STAC: variants seen among roughly 807,000 people sequenced by gnomAD.
The protein encoded by STAC is SH3 and cysteine-rich domain-containing protein.
STAC carries 43 observed loss-of-function variants against 48.8 expected under a neutral mutation model. The observed-to-expected ratio is 0.88, with a 90% CI of 0.69 to 1.14. STAC has a LOEUF of 1.14. STAC is among the 50% of genes most tolerant of loss of function. STAC has a pLI of 0.00. For missense variants in STAC, 497 were observed against 504.0 expected (o/e 0.99, Z 0.13); for synonymous variants, 193 against 179.5 (o/e 1.07, Z -0.60).
At chr3:36,530,580 C>CTTTTTT (rs775751742) in intron 10 of STAC, among the ~76,000 whole-genome samples, 58 of 102,688 alleles carry the variant, frequency 5.6e-4, no homozygotes, top group Middle Eastern at 6.7e-3. Flanking sequence ...TTCACCTTTT[C>CTTTTTT]TTTTTTTTTT....
intron 10 of STAC, among the ~76,000 whole-genome samples, chr3:36,545,650 A>G (rs1159105851): frequency 6.6e-6 from 1 of 152,180 alleles, no homozygotes; most frequent in East Asian, 1.9e-4. Context: ...ACCCCTTTTT[A>G]AAGTCTAGCA....
chr3:36,529,544 A>C (rs575714539), intron 10 of STAC, among the ~76,000 whole-genome samples: 1 of 152,312 alleles, frequency 6.6e-6, no homozygotes, highest in Non-Finnish European at 1.5e-5. Context: ...GCCTGTCACC[A>C]TCTTGCTCCA....
chr3:36,506,793 G>T (rs554181526), intron 8 of STAC, among the ~76,000 whole-genome samples: 171 of 152,306 alleles, frequency 1.1e-3, no homozygotes, highest in African/African-American at 4.0e-3. Context: ...AGACTTTGCT[G>T]AAGTTGCCTA....
At chr3:36,519,391 C>T (rs1698748223) in intron 8 of STAC, among the ~76,000 whole-genome samples, 1 of 152,020 alleles carries the variant, frequency 6.6e-6, no homozygotes, top group Non-Finnish European at 1.5e-5. Flanking sequence ...GAACCAAGCC[C>T]AATAATTTAC....
chr3:36,474,390 C>T (rs1575224768), intron 2 of STAC, among the ~76,000 whole-genome samples: 3 of 152,204 alleles, frequency 2.0e-5, no homozygotes, highest in Admixed American at 1.3e-4. Context: ...GTTACATATA[C>T]ATATTTTAAT....
chr3:36,406,374 T>C (rs1700088706), intron 1 of STAC, among the ~76,000 whole-genome samples: 1 of 152,098 alleles, frequency 6.6e-6, no homozygotes, highest in African/African-American at 2.4e-5. Flanking sequence ...GAAGCTGGAG[T>C]GGTCCATCAG....
At chr3:36,433,433 G>C (rs1700753869) in intron 1 of STAC, among the ~76,000 whole-genome samples, 1 of 152,158 alleles carries the variant, frequency 6.6e-6, no homozygotes, top group Admixed American at 6.5e-5. Context: ...TTAAACAGTT[G>C]AATTATATGT....
intron 5 of STAC, among the ~76,000 whole-genome samples, chr3:36,491,081 CATTG>C (rs1697954806): frequency 6.6e-6 from 1 of 152,196 alleles, no homozygotes; most frequent in Non-Finnish European, 1.5e-5. Flanking sequence ...AAAATAGAAA[CATTG>C]ATTGGTATTT....
chr3:36,453,947 G>A (rs992394992), intron 2 of STAC, among the ~76,000 whole-genome samples: 2 of 152,100 alleles, frequency 1.3e-5, no homozygotes, highest in Admixed American at 6.5e-5. Context: ...GGGACTTGGA[G>A]AACCTTTGTG....
chr3:36,429,142 G>A (rs6774073), intron 1 of STAC, among the ~76,000 whole-genome samples: 3,534 of 152,176 alleles, frequency 0.023, 60 homozygotes, highest in Non-Finnish European at 0.026. Context: ...TGGAGTCAAG[G>A]ATGATTCCAA....
At chr3:36,503,586 A>C (rs1331635767) in intron 6 of STAC, among the ~76,000 whole-genome samples, 1 of 152,116 alleles carries the variant, frequency 6.6e-6, no homozygotes, top group Non-Finnish European at 1.5e-5. Context: ...GGCACATGCC[A>C]CCATGCTCAG....
intron 2 of STAC, among the ~76,000 whole-genome samples, chr3:36,455,735 T>C (rs748099340): frequency 3.3e-5 from 5 of 151,242 alleles, no homozygotes; most frequent in Admixed American, 6.6e-5. Flanking sequence ...CCTTTGTAAA[T>C]GTCTGGGACT....
intron 2 of STAC, among the ~76,000 whole-genome samples, chr3:36,452,033 C>A (rs1233502871): frequency 6.6e-6 from 1 of 152,148 alleles, no homozygotes; most frequent in Admixed American, 6.5e-5. Flanking sequence ...GTCTGCTTTG[C>A]TCTCACTGAA....
chr3:36,389,059 G>A (rs1225161314), intron 1 of STAC, among the ~76,000 whole-genome samples: 1 of 152,150 alleles, frequency 6.6e-6, no homozygotes, highest in Admixed American at 6.5e-5. Flanking sequence ...ACAATTATGA[G>A]ATTTCTTATC....
intron 10 of STAC, among the ~76,000 whole-genome samples, chr3:36,543,450 T>C (rs764137676): frequency 2.6e-5 from 4 of 152,182 alleles, no homozygotes; most frequent in Non-Finnish European, 5.9e-5. Context: ...ACTTTAGAGA[T>C]GCCAAACAGG....
chr3:36,406,842 C>G (rs990206143), intron 1 of STAC, among the ~76,000 whole-genome samples: 1 of 152,192 alleles, frequency 6.6e-6, no homozygotes, highest in African/African-American at 2.4e-5. Flanking sequence ...TTTACCAACT[C>G]CTGCTCTATT....
At chr3:36,441,069 A>G (rs555626052) in intron 1 of STAC, among the ~76,000 whole-genome samples, 86 of 152,324 alleles carry the variant, frequency 5.6e-4, no homozygotes, top group African/African-American at 2.0e-3. Flanking sequence ...CATAACATCA[A>G]ACATTTATCA....
intron 10 of STAC, among the ~76,000 whole-genome samples, chr3:36,530,599 T>C (rs1476764949): frequency 2.7e-4 from 38 of 142,292 alleles, no homozygotes; most frequent in African/African-American, 5.4e-4. Context: ...TTTTCTTTTT[T>C]TTTTTTTTTT....
chr3:36,471,234 G>A (rs544627614), intron 2 of STAC, among the ~76,000 whole-genome samples: 7 of 152,228 alleles, frequency 4.6e-5, no homozygotes, highest in South Asian at 2.1e-4. Context: ...ATCAGTTCTC[G>A]TGAGACTTAT....
Sources: gnomAD v4.1 joint callset for allele counts (sites outside exome capture counted in the v4.1 genomes callset) on GRCh38, gnomAD v4.1.1 for gene constraint, MANE v1.5 for transcripts, NCBI Gene and HGNC (gene_info 2026-07-23, HGNC 2026-07-21) for gene names.